ADAMTS6: variants seen among roughly 807,000 people sequenced by gnomAD.
The protein encoded by ADAMTS6 is ADAM metallopeptidase with thrombospondin type 1 motif 6.
Under a neutral mutation model 144.3 loss-of-function variants are expected in ADAMTS6, and 23 were observed. That is an observed-to-expected ratio of 0.16 (90% CI 0.11 to 0.23). The LOEUF (loss-of-function observed/expected upper bound fraction) is 0.23, where lower values mean the gene tolerates loss of function less well. ADAMTS6 is among the 10% of genes least tolerant of loss of function. ADAMTS6 has a pLI of 1.00. For synonymous variants in ADAMTS6, 444 were observed against 457.5 expected (o/e 0.97, Z 0.38); for missense variants, 999 against 1,379.6 (o/e 0.72, Z 4.37).
chr5:65,440,151 G>C (rs1757755121), intron 7 of ADAMTS6, among the ~76,000 whole-genome samples: 2 of 152,054 alleles, frequency 1.3e-5, no homozygotes, highest in South Asian at 4.2e-4. Context: ...AAGTATTTAG[G>C]GGTAAAGAAG....
At chr5:65,340,140 T>C (rs1747680925) in intron 7 of ADAMTS6, among the ~76,000 whole-genome samples, 1 of 151,944 alleles carries the variant, frequency 6.6e-6, no homozygotes, top group Admixed American at 6.6e-5. Flanking sequence ...TGTCAAGTCA[T>C]ATATAAACAA....
chr5:65,252,611 AT>A (rs552794617), intron 14 of ADAMTS6, among the ~76,000 whole-genome samples: 181 of 151,164 alleles, frequency 1.2e-3, no homozygotes, highest in African/African-American at 4.3e-3. Context: ...AATTTATTAT[AT>A]TTTTTAGTTT....
chr5:65,303,025 A>T (rs371161278), intron 9 of ADAMTS6, among the ~76,000 whole-genome samples: 1 of 152,156 alleles, frequency 6.6e-6, no homozygotes, highest in East Asian at 1.9e-4. Context: ...GAATATAAAA[A>T]CATGGTGCCA....
chr5:65,396,304 C>T (rs964784369), intron 7 of ADAMTS6, among the ~76,000 whole-genome samples: 1 of 151,948 alleles, frequency 6.6e-6, no homozygotes, highest in Non-Finnish European at 1.5e-5. Context: ...ATAATTATTG[C>T]CAAGAATTAG....
chr5:65,198,537 C>T (rs1303683244), intron 20 of ADAMTS6: 1 of 167,086 alleles, frequency 6.0e-6, no homozygotes, highest in Admixed American at 6.5e-5. Context: ...CTACCTTTAA[C>T]TAAGCCCTTT....
At chr5:65,169,413 T>C (rs1321832832) in intron 24 of ADAMTS6, among the ~76,000 whole-genome samples, 2 of 141,148 alleles carry the variant, frequency 1.4e-5, no homozygotes, top group East Asian at 4.1e-4. Context: ...TGTGGAGAAA[T>C]AGGAACACTT....
intron 7 of ADAMTS6, among the ~76,000 whole-genome samples, chr5:65,448,105 T>C (rs1212029290): frequency 6.6e-6 from 1 of 150,386 alleles, no homozygotes; most frequent in African/African-American, 2.4e-5. Context: ...AGTATACACA[T>C]ATATGTACAT....
At chr5:65,183,470 T>C (rs1754480530) in intron 22 of ADAMTS6, among the ~76,000 whole-genome samples, 1 of 151,994 alleles carries the variant, frequency 6.6e-6, no homozygotes, top group African/African-American at 2.4e-5. Context: ...TTAAACTTTA[T>C]TATAGGTTTG....
At chr5:65,182,987 C>T (rs924533208) in intron 22 of ADAMTS6, among the ~76,000 whole-genome samples, 6 of 152,190 alleles carry the variant, frequency 3.9e-5, no homozygotes, top group African/African-American at 1.2e-4. Flanking sequence ...TACATGTCTA[C>T]AGCCAGAGTC....
intron 11 of ADAMTS6, among the ~76,000 whole-genome samples, chr5:65,279,137 G>C (rs919661476): frequency 2.0e-5 from 3 of 151,910 alleles, no homozygotes; most frequent in Non-Finnish European, 4.4e-5. Flanking sequence ...TAGACACAGA[G>C]TTTCACCATG....
At chr5:65,343,157 A>C (rs1748010618) in intron 7 of ADAMTS6, among the ~76,000 whole-genome samples, 1 of 152,082 alleles carries the variant, frequency 6.6e-6, no homozygotes, top group African/African-American at 2.4e-5. Context: ...TAATTCCTTA[A>C]AAAATACCAA....
intron 11 of ADAMTS6, among the ~76,000 whole-genome samples, chr5:65,289,896 C>T (rs1453222222): frequency 2.0e-5 from 3 of 152,010 alleles, no homozygotes; most frequent in South Asian, 2.1e-4. Flanking sequence ...TGTATTAATC[C>T]GTAAGTATAT....
intron 20 of ADAMTS6, among the ~76,000 whole-genome samples, chr5:65,206,838 TCA>T (rs147509641): frequency 0.069 from 10,032 of 144,958 alleles, 556 homozygotes; most frequent in African/African-American, 0.15. Flanking sequence ...TCTCTCTCTC[TCA>T]CACACACACA....
intron 7 of ADAMTS6, among the ~76,000 whole-genome samples, chr5:65,384,626 A>T (rs1374852331): frequency 6.6e-6 from 1 of 152,208 alleles, no homozygotes; most frequent in African/African-American, 2.4e-5. Flanking sequence ...CTCTAAGAAG[A>T]TTGAGGCTTT....
intron 7 of ADAMTS6, among the ~76,000 whole-genome samples, chr5:65,394,320 C>G (rs954860636): frequency 1.3e-5 from 2 of 152,180 alleles, no homozygotes; most frequent in Non-Finnish European, 2.9e-5. Flanking sequence ...GCCCGGCCAT[C>G]CCCCAGCTGC....
In ADAMTS6 at chr5:65,242,219, A is replaced by C. The variant is rs1169090851; in HGVS notation, c.1831-13T>G. On this transcript the variant is annotated splice_polypyrimidine_tract_variant and intron_variant, in intron 14 of 24. Transcript: ENST00000381055. The stretch of plus-strand genomic sequence containing the variant: ...CCAAAGGGCATGGCTAAAATAAAAT[A>C]AAATCATAAATGGTACCATTGTTGG... The C allele has an allele frequency of 1.3e-6, 2 of 1,581,644 alleles. No homozygotes were observed. Among genetic ancestry groups the C allele is most frequent in the East Asian group, 2.3e-5 (1 of 44,430 alleles).
intron 11 of ADAMTS6, among the ~76,000 whole-genome samples, chr5:65,280,902 C>T (rs1246216105): frequency 6.6e-6 from 1 of 152,240 alleles, no homozygotes; most frequent in Non-Finnish European, 1.5e-5. Context: ...GTTCTATATA[C>T]AGAAGAATCT....
At position 65,292,998 on chromosome 5, in the gene ADAMTS6, G is replaced by T. The variant is rs187057331; in HGVS notation, c.1371-1528C>A. Among the ~76,000 whole-genome samples the T allele has an allele frequency of 1.5e-4, 23 of 151,950 alleles. 1 individual carries two copies. The highest frequency in any genetic ancestry group is 6.8e-3 in the Middle Eastern group (2 of 292). On this transcript the variant is annotated intron_variant, in intron 10 of 24. Transcript: ENST00000381055. ...CCTCTAGATGAATTTTTTAAATAAT[G>T]CTTTTTTGGCTTTATTACGTAAAAT... is the stretch of plus-strand genomic sequence containing the variant.
chr5:65,151,814 A>C lies in ADAMTS6; in HGVS notation c.*22T>G. 1.9e-6 allele frequency: 3 copies of C among 1,590,054 alleles called. No individual in the cohort carries two copies. Among genetic ancestry groups the C allele is most frequent in the Non-Finnish European group, 2.6e-6 (3 of 1,159,872 alleles). On this transcript the variant is annotated 3_prime_UTR_variant, in exon 25 of 25. Transcript: ENST00000381055. ...CATTTCCATGATGAAATGACAAGGC[A>C]CTCTCTCTGGCTTTCTGTGGGTCAG... is the stretch of plus-strand genomic sequence containing the variant.
Sources: allele counts gnomAD v4.1 joint callset (sites outside exome capture counted in the v4.1 genomes callset), GRCh38; gene constraint gnomAD v4.1.1; transcripts MANE v1.5; gene names NCBI Gene and HGNC (gene_info 2026-07-23, HGNC 2026-07-21).